The following MRPS28 variants were observed in gnomAD, a reference collection of about 807,000 sequenced individuals.
The protein encoded by MRPS28 is mitochondrial ribosomal protein S28, also known as small ribosomal subunit protein bS1m.
A neutral mutation model predicts 10.8 loss-of-function variants in MRPS28; 7 were observed. The observed-to-expected ratio is 0.65, with a 90% confidence interval of 0.37 to 1.22. The LOEUF is 1.22. MRPS28 is among the 50% of genes most tolerant of loss of function. The pLI, the probability that MRPS28 is intolerant of heterozygous loss-of-function variation, is 0.02. For missense variants in MRPS28, 265 were observed against 232.9 expected, an observed-to-expected ratio of 1.14 and a Z score of -0.90; for synonymous variants, 121 against 93.3, an observed-to-expected ratio of 1.30 and a Z score of -1.71.
intron 2 of MRPS28, among the ~76,000 whole-genome samples, chr8:79,995,840 T>C (rs1376556092): frequency 6.6e-6 from 1 of 152,094 alleles, no homozygotes; most frequent in African/African-American, 2.4e-5. Context: ...CACAACAAAT[T>C]TGATGACTGA....
At chr8:79,982,980 G>C (rs28798373) in intron 2 of MRPS28, among the ~76,000 whole-genome samples, 353 of 14,098 alleles carry the variant, frequency 0.025, 10 homozygotes, top group African/African-American at 0.1. Flanking sequence ...GGTCCCTGAC[G>C]CCTGACCCCC....
intron 2 of MRPS28, among the ~76,000 whole-genome samples, chr8:79,948,495 T>C (rs984574977): frequency 1.3e-5 from 2 of 152,244 alleles, no homozygotes; most frequent in African/African-American, 4.8e-5. Context: ...AGCTATGACA[T>C]CCAGTATAAT....
chr8:79,973,832 AAATT>A (rs975487696), intron 2 of MRPS28, among the ~76,000 whole-genome samples: 1 of 98,908 alleles, frequency 1.0e-5, no homozygotes, highest in Non-Finnish European at 2.1e-5. Context: ...GGCCAGGAAT[AAATT>A]AATAAAAAAA....
At chr8:79,959,514 G>A (rs1399336300) in intron 2 of MRPS28, among the ~76,000 whole-genome samples, 3 of 151,970 alleles carry the variant, frequency 2.0e-5, no homozygotes, top group East Asian at 1.9e-4. Flanking sequence ...AAGATTGAAC[G>A]GTACAACTTT....
At chr8:79,985,853 AG>A (rs1342147644) in intron 2 of MRPS28, among the ~76,000 whole-genome samples, 1 of 152,082 alleles carries the variant, frequency 6.6e-6, no homozygotes, top group Non-Finnish European at 1.5e-5. Context: ...AGGTACAAGG[AG>A]GAACTGGTAC....
At position 80,016,002 on chromosome 8, in the gene MRPS28, G is replaced by A. The variant is rs1358632191; in HGVS notation, c.214-12822C>T. ...AACTGCCAAAACTGAAAAGCAAAGAGAAAAAAGATTGAGGGAAAAATTGAA... is the reference window on the plus strand; with the variant it reads ...AACTGCCAAAACTGAAAAGCAAAGAAAAAAAAGATTGAGGGAAAAATTGAA... On this transcript the variant is annotated intron_variant, in intron 1 of 2. Transcript: ENST00000276585. 3.3e-5 allele frequency among the ~76,000 whole-genome samples: 5 copies of A among 151,494 alleles called. No individual in the cohort carries two copies. The East Asian group carries it at 7.7e-4, about 23-fold the overall frequency.
At chr8:79,929,664 A>C (rs1806406430) in intron 2 of MRPS28, among the ~76,000 whole-genome samples, 1 of 152,108 alleles carries the variant, frequency 6.6e-6, no homozygotes, top group Non-Finnish European at 1.5e-5. Flanking sequence ...TTAGGATGGC[A>C]GATTCACAGC....
chr8:80,026,914 G>C (rs9657048), intron 1 of MRPS28, among the ~76,000 whole-genome samples: 9,867 of 151,874 alleles, frequency 0.065, 538 homozygotes, highest in African/African-American at 0.16. Context: ...CATTCATTAA[G>C]AAAAAAAATT....
chr8:79,951,798 C>T (rs1202623559), intron 2 of MRPS28, among the ~76,000 whole-genome samples: 1 of 152,186 alleles, frequency 6.6e-6, no homozygotes, highest in South Asian at 2.1e-4. Flanking sequence ...ATTGTTACTG[C>T]CATCTCGCAG....
chr8:80,020,268 T>C (rs973168279), intron 1 of MRPS28, among the ~76,000 whole-genome samples: 1 of 152,158 alleles, frequency 6.6e-6, no homozygotes, highest in Admixed American at 6.5e-5. Flanking sequence ...TGTTTCTTAC[T>C]AGACTTAAAG....
At chr8:79,994,320 G>C (rs184008829) in intron 2 of MRPS28, among the ~76,000 whole-genome samples, 1 of 151,914 alleles carries the variant, frequency 6.6e-6, no homozygotes, top group African/African-American at 2.4e-5. Context: ...AACACTAATC[G>C]CAAGTATTAT....
intron 2 of MRPS28, among the ~76,000 whole-genome samples, chr8:79,985,405 A>C (rs1443607941): frequency 6.6e-6 from 1 of 152,200 alleles, no homozygotes; most frequent in African/African-American, 2.4e-5. Flanking sequence ...AGCTAGCAGA[A>C]GGCAAGAAAT....
intron 2 of MRPS28, among the ~76,000 whole-genome samples, chr8:79,968,605 C>G (rs1056604363): frequency 6.6e-6 from 1 of 152,032 alleles, no homozygotes; most frequent in Non-Finnish European, 1.5e-5. Flanking sequence ...CTCAACCTTT[C>G]TCACAACACA....
intron 2 of MRPS28, among the ~76,000 whole-genome samples, chr8:79,944,654 C>T (rs1806855517): frequency 6.6e-6 from 1 of 151,356 alleles, no homozygotes; most frequent in South Asian, 2.1e-4. Context: ...GCATTGAACA[C>T]TGAAGAATAA....
chr8:79,969,161 G>A (rs992199406), intron 2 of MRPS28, among the ~76,000 whole-genome samples: 5 of 152,132 alleles, frequency 3.3e-5, no homozygotes, highest in African/African-American at 1.2e-4. Context: ...CCCCTTGTTA[G>A]TTGTGGTACC....
rs1185676122 is a variant in MRPS28 at position 79,996,716 on chromosome 8, TACC to T, written c.395+6280_395+6282del. On this transcript the variant is annotated intron_variant, in intron 2 of 2. Coordinates refer to ENST00000276585, the MANE Select transcript of MRPS28 (RefSeq NM_014018.3). ...CACCATAACCAAAGATATAACAGAC[TACC>T]TATGATTTTTTAACAGACCTCCACA... is the stretch of plus-strand genomic sequence containing the variant. Among the ~76,000 whole-genome samples the T allele has an allele frequency of 3.3e-5, 5 of 152,286 alleles. No individual in the cohort carries two copies. In the East Asian group the frequency reaches 9.6e-4, roughly 29 times the overall value.
At chr8:79,985,045 T>C (rs948872011) in intron 2 of MRPS28, among the ~76,000 whole-genome samples, 3 of 152,104 alleles carry the variant, frequency 2.0e-5, no homozygotes, top group African/African-American at 7.2e-5. Context: ...CCTCAGCAAA[T>C]GTAAAAGATC....
intron 2 of MRPS28, among the ~76,000 whole-genome samples, chr8:79,973,559 C>G (rs1041846018): frequency 5.9e-5 from 9 of 152,164 alleles, no homozygotes; most frequent in Non-Finnish European, 1.3e-4. Context: ...CTCAACAGAT[C>G]TTCCCACCTC....
At chr8:79,981,531 T>C (rs974762523) in intron 2 of MRPS28, among the ~76,000 whole-genome samples, 4 of 152,186 alleles carry the variant, frequency 2.6e-5, no homozygotes, top group Non-Finnish European at 5.9e-5. Context: ...TAATATGATG[T>C]ATTATCATTC....
Sources: allele counts gnomAD v4.1 joint callset (sites outside exome capture counted in the v4.1 genomes callset), GRCh38; gene constraint gnomAD v4.1.1; transcripts MANE v1.5; gene names NCBI Gene and HGNC (gene_info 2026-07-23, HGNC 2026-07-21).